Variants in UBR7 observed in about 807,000 individuals in gnomAD.
UBR7 encodes putative E3 ubiquitin-protein ligase UBR7.
A neutral mutation model predicts 57.0 loss-of-function variants in UBR7; 22 were observed. That is an observed-to-expected ratio of 0.39 (90% CI 0.28 to 0.55). The LOEUF (loss-of-function observed/expected upper bound fraction) is 0.55. Ranked by LOEUF, UBR7 falls within the 20% of genes least tolerant of loss-of-function variation. UBR7 has a pLI of 0.69. For synonymous variants in UBR7, 167 were observed against 179.8 expected (o/e 0.93, Z 0.57); for missense variants, 395 against 513.2 (o/e 0.77, Z 2.23).
In UBR7 at chr14:93,207,458, G is replaced by A. The variant is rs536384360; in HGVS notation, c.150+17G>A. 2 of 1,539,858 alleles carry A rather than the reference G, an allele frequency of 1.3e-6. No homozygotes were observed. The highest frequency in any genetic ancestry group is 2.4e-5 in the East Asian group (1 of 41,350). On this transcript the variant is annotated intron_variant, in intron 1 of 10. Transcript: ENST00000013070. ...TACTCTCAGGTGGGCGCGCGGCCCG[G>A]GCCTCCTCTCCCCCGGCTCCCGCCG...
chr14:93,219,187 G>C (rs1228686247), intron 7 of UBR7, 25 bp from the exon 8 acceptor site: 2 of 1,612,734 alleles, frequency 1.2e-6, no homozygotes. Flanking sequence ...TAAAAAACAT[G>C]CTTCAAAACT....
intron 10 of UBR7, among the ~76,000 whole-genome samples, chr14:93,224,835 A>G (rs1181404881): frequency 6.6e-6 from 1 of 152,212 alleles, no homozygotes. Context: ...CTGAACTGTC[A>G]ATGGACATTT....
chr14:93,220,490 A>G, intron 9 of UBR7, 79 bp downstream of exon 9: 1 of 1,515,028 alleles, frequency 6.6e-7, no homozygotes, highest in Non-Finnish European at 9.0e-7. Flanking sequence ...AAACACCTAT[A>G]TTTTTAATTT....
intron 6 of UBR7, among the ~76,000 whole-genome samples, chr14:93,215,689 CAAAA>C (rs34666080): frequency 0.19 from 13,773 of 71,674 alleles, 657 homozygotes; most frequent in Middle Eastern, 0.25. Flanking sequence ...ACTCCATCCT[CAAAA>C]AAAAAAAAAA....
rs1894690743 is a variant in UBR7, at chr14:93,220,893, G to A, written c.1123+482G>A. Among the ~76,000 whole-genome samples, 3 of 151,582 alleles carry A rather than the reference G, an allele frequency of 2.0e-5. No individual in the cohort carries two copies. In the South Asian group the frequency reaches 6.2e-4, roughly 32 times the overall value. On this transcript the variant is annotated intron_variant, in intron 9 of 10. Coordinates refer to ENST00000013070, the MANE Select transcript of UBR7 (RefSeq NM_175748.4). Reference sequence around the variant, plus strand: ...TTTCTATCCCAGCCATTTCCACTTGGATGCCACCACTTTTATGTGACTTTT... The same window carrying A: ...TTTCTATCCCAGCCATTTCCACTTGAATGCCACCACTTTTATGTGACTTTT...
At chr14:93,207,660 C>T (rs1391674954) in intron 1 of UBR7, among the ~76,000 whole-genome samples, 3 of 152,188 alleles carry the variant, frequency 2.0e-5, no homozygotes, top group Admixed American at 2.0e-4. Flanking sequence ...CCCCTCTCCC[C>T]TGTCTCCAAC....
rs985729240 is a variant in UBR7, at chr14:93,228,465, C to T, written c.*1430C>T. 11 of 453,990 alleles carry T rather than the reference C, an allele frequency of 2.4e-5. No individual in the cohort carries two copies. Among genetic ancestry groups the T allele is most frequent in the South Asian group, 7.8e-5 (5 of 64,484 alleles). 28.1% of individuals were successfully genotyped at this position (453,990 alleles called of 1,614,324 possible). A position where few individuals can be genotyped will look rare whatever the true frequency, so the allele number is the denominator to read the frequency against. On this transcript the variant is annotated 3_prime_UTR_variant, in exon 11 of 11. Coordinates refer to ENST00000013070, the MANE Select transcript of UBR7 (RefSeq NM_175748.4). ...TGTGTCCAGCATCTGTGTATTCATT[C>T]GAGTGCCCAATCCCTGGATGAGATG...
chr14:93,214,982 G>C lies in UBR7; in HGVS notation c.495G>C (p.Arg165Ser). 6.2e-7 allele frequency: 1 copy of C among 1,613,102 alleles called. No homozygotes were observed. The highest frequency in any genetic ancestry group is 8.5e-7 in the Non-Finnish European group (1 of 1,179,364). ...CVVCEDWFHG[R>S]HLGAIPPESG... ...TCTGTGAAGACTGGTTCCATGGAAGGGTAAGGAAAATGTTCCACCTTTTGA... is the reference window on the plus strand; with the variant it reads ...TCTGTGAAGACTGGTTCCATGGAAGCGTAAGGAAAATGTTCCACCTTTTGA... The change falls in exon 5 of 11, where the codon AGG becomes AGC. Residue 165 changes from arginine (R) to serine (S), a missense_variant and splice_region_variant. Coordinates refer to ENST00000013070, the MANE Select transcript of UBR7 (RefSeq NM_175748.4).
Position 93,228,776 on chromosome 14 carries a change from G to T in UBR7, c.*1741G>T. 4.4e-6 allele frequency: 2 copies of T among 454,104 alleles called. No homozygotes were observed. Among genetic ancestry groups the T allele is most frequent in the South Asian group, 3.1e-5 (2 of 64,480 alleles). The allele number at this position is 454,104 out of a possible 1,614,324, so 28.1% of individuals were successfully genotyped here. ...CACTATTAGTATACCATCATGTCCG[G>T]AAAACTTTTAATCTTCTCAAATATC... On this transcript the variant is annotated 3_prime_UTR_variant, in exon 11 of 11. Coordinates refer to ENST00000013070, the MANE Select transcript of UBR7 (RefSeq NM_175748.4).
chr14:93,211,962 A>C (rs1239454741), intron 3 of UBR7, 70 bp from the exon 4 acceptor site: 4 of 1,255,284 alleles, frequency 3.2e-6, no homozygotes, highest in Middle Eastern at 2.0e-4. Context: ...TGAATGCATA[A>C]ATTTTATAAT....
At chr14:93,221,355 C>A (rs1894703751) in intron 9 of UBR7, among the ~76,000 whole-genome samples, 1 of 151,958 alleles carries the variant, frequency 6.6e-6, no homozygotes, top group Non-Finnish European at 1.5e-5. Context: ...CTCAGGTGAT[C>A]TACCTGCCTT....
Position 93,227,155 on chromosome 14 carries a change from C to CT in UBR7, c.*120_*121insT, listed in dbSNP as rs772083651. 3.1e-5 allele frequency: 23 copies of CT among 733,090 alleles called. No homozygotes were observed. The highest frequency in any genetic ancestry group is 7.3e-5 in the South Asian group (5 of 68,416). The allele number at this position is 733,090 out of a possible 1,614,324, so 45.4% of individuals were successfully genotyped here. On this transcript the variant is annotated 3_prime_UTR_variant, in exon 11 of 11. Coordinates refer to ENST00000013070, the MANE Select transcript of UBR7 (RefSeq NM_175748.4). ...TCCTCCTCTGTTTGGAGAGGCCTCG[C>CT]GCTCCCTTCATTCTCTTTAGCTGCA...
In UBR7 at chr14:93,220,291, T is replaced by C; in HGVS notation, c.1003T>C (p.Tyr335His). The C allele has an allele frequency of 6.2e-7, 1 of 1,607,644 alleles. No homozygotes were observed. The highest frequency in any genetic ancestry group is 8.5e-7 in the Non-Finnish European group (1 of 1,178,410). ...AGATGTCTTATTCCTGACAGATGAA[T>C]ACGACACAGTTCTGGCTTATGAAAA... is the stretch of plus-strand genomic sequence containing the variant. ...DLDVLFLTDE[Y>H]DTVLAYENKG... Residue 335 changes from tyrosine to histidine, a missense_variant, in exon 9 of 11, where the codon TAC (tyrosine) becomes CAC (histidine). By Grantham distance (83) the Tyr-to-His change is moderately conservative. Coordinates refer to ENST00000013070, the MANE Select transcript of UBR7 (RefSeq NM_175748.4).
intron 10 of UBR7, chr14:93,223,518 A>AT (rs1379838255): frequency 9.2e-5 from 57 of 621,010 alleles, no homozygotes; most frequent in Non-Finnish European, 1.5e-4. Flanking sequence ...ACTTTAGGTC[A>AT]TTTTTTCCTT....
intron 10 of UBR7, chr14:93,224,183 G>GT (rs982483789): frequency 3.7e-5 from 21 of 568,268 alleles, no homozygotes; most frequent in African/African-American, 2.1e-4. Context: ...AGGTTAGGTC[G>GT]TTTTTTTCTT....
At position 93,227,051 on chromosome 14, in the gene UBR7, T is replaced by G. The variant is rs1200906703; in HGVS notation, c.*16T>G. 2.5e-6 allele frequency: 4 copies of G among 1,581,302 alleles called. No individual in the cohort carries two copies. Among genetic ancestry groups the G allele is most frequent in the South Asian group, 1.1e-5 (1 of 90,258 alleles). On this transcript the variant is annotated 3_prime_UTR_variant, in exon 11 of 11. Coordinates refer to ENST00000013070, the MANE Select transcript of UBR7 (RefSeq NM_175748.4). The stretch of plus-strand genomic sequence containing the variant: ...CTGCAGCTAGAGTGGAGTATGAAGC[T>G]TTCTCATTCAAGCCAATGAAAATGC...
At chr14:93,223,722 G>T in intron 10 of UBR7, 1 of 834,362 alleles carries the variant, frequency 1.2e-6, no homozygotes, top group Non-Finnish European at 2.0e-6. Context: ...CCGGCTGGCG[G>T]CACTTGCTGG....
rs544886643 is a variant in UBR7 at position 93,228,177 on chromosome 14, C to A, written c.*1142C>A. Reference sequence around the variant, plus strand: ...TTAATGTCCACCGCCACTTCCCTAACGACTATGAGATCTTTTTTTTGAAGA... The same window carrying A: ...TTAATGTCCACCGCCACTTCCCTAAAGACTATGAGATCTTTTTTTTGAAGA... On this transcript the variant is annotated 3_prime_UTR_variant, in exon 11 of 11. Coordinates refer to ENST00000013070, the MANE Select transcript of UBR7 (RefSeq NM_175748.4). 3 of 558,176 alleles carry A rather than the reference C, an allele frequency of 5.4e-6. No individual in the cohort carries two copies. In the Admixed American group the frequency reaches 6.6e-5, roughly 12 times the overall value. The allele number at this position is 558,176 out of a possible 1,614,324, so 34.6% of individuals were successfully genotyped here.
At chr14:93,209,518 T>C (rs561159000) in intron 1 of UBR7, among the ~76,000 whole-genome samples, 4 of 152,290 alleles carry the variant, frequency 2.6e-5, no homozygotes, top group South Asian at 4.1e-4. Context: ...AGGCAGAGAA[T>C]TGCTTGAGCC....
Sources: allele counts gnomAD v4.1 joint callset (sites outside exome capture counted in the v4.1 genomes callset), GRCh38; gene constraint gnomAD v4.1.1; transcripts MANE v1.5; gene names NCBI Gene and HGNC (gene_info 2026-07-23, HGNC 2026-07-21).